NPC1L1: variants seen among roughly 807,000 people sequenced by gnomAD.
NPC1L1 encodes NPC1-like intracellular cholesterol transporter 1.
Under a neutral mutation model 117.0 loss-of-function variants are expected in NPC1L1, and 98 were observed. That is an observed-to-expected ratio of 0.84 (90% CI 0.71 to 0.99). The LOEUF (loss-of-function observed/expected upper bound fraction) is 0.99. Among genes scored for constraint, NPC1L1 ranks in the 50% least tolerant of loss-of-function variants. The probability of loss-of-function intolerance (pLI) is 0.00; values close to 1 mark genes in which losing one functional copy is unlikely to be tolerated. For synonymous variants in NPC1L1, 729 were observed against 727.6 expected (o/e 1.00, Z -0.03); for missense variants, 1,540 against 1,710.0 (o/e 0.90, Z 1.75).
chr7:44,533,888 C>T (rs781722056), intron 6 of NPC1L1, 35 bp from the exon 7 acceptor site: 30 of 1,555,866 alleles, frequency 1.9e-5, no homozygotes, highest in Non-Finnish European at 2.5e-5. Context: ...AGCCAGGGCC[C>T]TCCAAGGGCA....
In NPC1L1 at chr7:44,539,879, C is replaced by A; in HGVS notation, c.518G>T (p.Ser173Ile). ...GGCAGCTGCAGGGACGCGCACACGG[C>A]TGCAGGAGTCATAGCTCTGCTCGGC... ...SFAEQSYDSC[S>I]RVRVPAAATL... Residue 173 changes from serine (S) to isoleucine (I), a missense_variant, in exon 2 of 19, where the codon AGC becomes ATC. Physicochemically the swap from Ser to Ile is moderately radical, Grantham distance 142 (BLOSUM62 -2). Around this residue, in one of 3 missense-constraint regions of NPC1L1, gnomAD observed 793 missense variants for 820.4 expected, o/e 0.97. Transcript: ENST00000381160. The surrounding 1 kb of genome is among the most constrained non-coding windows in gnomAD (Gnocchi z 4.4). 1 of 1,614,074 alleles carries A rather than the reference C, an allele frequency of 6.2e-7. No homozygotes were observed. Among genetic ancestry groups the A allele is most frequent in the South Asian group, 1.1e-5 (1 of 91,090 alleles).
At position 44,520,983 on chromosome 7, in the gene NPC1L1, C is replaced by T. The variant is rs147519851; in HGVS notation, c.3080+9G>A. On this transcript the variant is annotated intron_variant, in intron 13 of 18. Coordinates refer to ENST00000381160, the MANE Select transcript of NPC1L1 (RefSeq NM_001101648.2). Reference sequence around the variant, plus strand: ...TGTCCTCCCCAGCAGAAGGCCCTCCCAAGCTTACCCTTTGGGACATTTGAT... The same window carrying T: ...TGTCCTCCCCAGCAGAAGGCCCTCCTAAGCTTACCCTTTGGGACATTTGAT... 1.2e-3 allele frequency: 1,901 copies of T among 1,614,168 alleles called. 19 individuals carry two copies. The African/African-American group carries it at 0.022, about 19-fold the overall frequency.
In NPC1L1 at chr7:44,522,167, TG is replaced by T; in HGVS notation, c.2712del (p.Thr905ProfsTer12). ...FEVGAPVYFV[T>X]TLGYNFSSEA... ...TCGCTGGAGAAGTTGTAGCCCAAGG[TG>T]GTAACAAAGTACACCGGGGCCCCCA... On this transcript the variant is annotated frameshift_variant, in exon 11 of 19. Coordinates refer to ENST00000381160, the MANE Select transcript of NPC1L1 (RefSeq NM_001101648.2). LOFTEE classifies it high-confidence loss of function. 1 of 1,613,728 alleles carries T rather than the reference TG, an allele frequency of 6.2e-7. No individual in the cohort carries two copies. The highest frequency in any genetic ancestry group is 1.1e-5 in the South Asian group (1 of 91,068).
rs746780129 is a variant in NPC1L1 at position 44,516,085 on chromosome 7, G to T, written c.3632C>A (p.Ala1211Glu). 5.0e-6 allele frequency: 8 copies of T among 1,610,312 alleles called. No homozygotes were observed. The highest frequency in any genetic ancestry group is 2.2e-5 in the East Asian group (1 of 44,800). The change falls in exon 17 of 19, where the codon GCG becomes GAG. Residue 1211 changes from alanine to glutamate, a missense_variant and splice_region_variant. Coordinates refer to ENST00000381160, the MANE Select transcript of NPC1L1 (RefSeq NM_001101648.2). Reference protein sequence around the residue: ...AKEATISMGSAVFAGVAMTNL... With the variant: ...AKEATISMGSEVFAGVAMTNL... ...GGTGGCCCACTCCTCTCCACTCACC[G>T]CACTTCCCATAGAGATGGTGGCCTC...
intron 14 of NPC1L1, chr7:44,518,808 G>T: frequency 1.1e-6 from 1 of 922,678 alleles, no homozygotes; most frequent in Non-Finnish European, 1.3e-6. Flanking sequence ...CAGGGGAGGT[G>T]CCTGGAGAAC....
chr7:44,523,335 C>A (rs1801416954), intron 10 of NPC1L1, among the ~76,000 whole-genome samples: 1 of 152,182 alleles, frequency 6.6e-6, no homozygotes, highest in Non-Finnish European at 1.5e-5. Context: ...GGATTACAGG[C>A]ATGAGCCACC....
At chr7:44,529,457 C>A (rs1427392786) in intron 10 of NPC1L1, among the ~76,000 whole-genome samples, 1 of 151,524 alleles carries the variant, frequency 6.6e-6, no homozygotes, top group African/African-American at 2.4e-5. Context: ...CAGTTTACCA[C>A]AACCTCTGCC....
At position 44,513,406 on chromosome 7, in the gene NPC1L1, T is replaced by C; in HGVS notation, c.*41A>G. On this transcript the variant is annotated 3_prime_UTR_variant, in exon 19 of 19. Coordinates refer to ENST00000381160, the MANE Select transcript of NPC1L1 (RefSeq NM_001101648.2). ...CACAAGGAAGATCCCCATAACCCTT[T>C]GGTTCAGGGCCATAGAGCCTAGACA... The C allele has an allele frequency of 6.3e-7, 1 of 1,582,166 alleles. No individual in the cohort carries two copies. Among genetic ancestry groups the C allele is most frequent in the Non-Finnish European group, 8.7e-7 (1 of 1,151,230 alleles).
chr7:44,541,132 G>T, intron 1 of NPC1L1, 74 bp downstream of exon 1: 4 of 1,486,618 alleles, frequency 2.7e-6, no homozygotes, highest in Non-Finnish European at 9.2e-7. Context: ...AGTAACGCTC[G>T]CCTGGTACAC....
chr7:44,521,908 C>T, intron 11 of NPC1L1, 72 bp from the exon 12 acceptor site: 2 of 1,608,072 alleles, frequency 1.2e-6, no homozygotes, highest in Non-Finnish European at 1.7e-6. Flanking sequence ...GTGGCCCAAC[C>T]CCCACGCAGC....
intron 10 of NPC1L1, among the ~76,000 whole-genome samples, chr7:44,525,014 G>A (rs1373992857): frequency 6.6e-6 from 1 of 151,766 alleles, no homozygotes; most frequent in Non-Finnish European, 1.5e-5. Flanking sequence ...CTGAAGAAGA[G>A]AAAGGAAAAA....
chr7:44,531,292 C>T (rs1801691882), intron 10 of NPC1L1, among the ~76,000 whole-genome samples: 1 of 152,234 alleles, frequency 6.6e-6, no homozygotes, highest in African/African-American at 2.4e-5. Flanking sequence ...GCCCAGGAAA[C>T]ACACCTGGGC....
intron 10 of NPC1L1, among the ~76,000 whole-genome samples, chr7:44,528,793 G>C (rs138900689): frequency 1.3e-5 from 2 of 152,136 alleles, no homozygotes; most frequent in Non-Finnish European, 2.9e-5. Flanking sequence ...GTAGGACCAG[G>C]CATGGTGGCT....
rs1242344461 is a variant in NPC1L1, at chr7:44,531,890, C to A, written c.2548-46G>T. The A allele has an allele frequency of 4.6e-6, 7 of 1,537,118 alleles. No individual in the cohort carries two copies. The Admixed American group carries it at 1.4e-4, about 30-fold the overall frequency. ...TGAGACCACCCTGCCCAACAGCCGT[C>A]CCCCATCTCCCCACAAATTTAAGTC... On this transcript the variant is annotated intron_variant, in intron 9 of 18. Transcript: ENST00000381160.
intron 2 of NPC1L1, 95 bp from the exon 3 acceptor site, chr7:44,537,037 C>CT: frequency 1.0e-6 from 1 of 969,038 alleles, no homozygotes. Context: ...ACCCACAGCA[C>CT]TATGGAGGGT....
At chr7:44,521,263 T>C in intron 12 of NPC1L1, 145 bp from the exon 13 acceptor site, 7 of 1,145,418 alleles carry the variant, frequency 6.1e-6, no homozygotes, top group Non-Finnish European at 8.9e-6. Flanking sequence ...CATTTGTCAT[T>C]TGTGGGAGAA....
chr7:44,539,497 G>C lies in NPC1L1; in HGVS notation c.900C>G (p.Ile300Met). 8.1e-6 allele frequency: 13 copies of C among 1,613,678 alleles called. No individual in the cohort carries two copies. The highest frequency in any genetic ancestry group is 1.1e-5 in the Non-Finnish European group (13 of 1,179,682). Residue 300 changes from isoleucine (I) to methionine (M), a missense_variant, in exon 2 of 19, where the codon ATC (isoleucine) becomes ATG (methionine). Ile to Met is a conservative substitution (Grantham distance 10). Coordinates refer to ENST00000381160, the MANE Select transcript of NPC1L1 (RefSeq NM_001101648.2). This position sits in a 1 kb window ranked among gnomAD's most constrained non-coding sequence, Gnocchi z 4.4. ...GGGCCACACGGAATCCCACAAGCAG[G>C]ATGGTGACCACAGCGAAGACAGAGC... Reference protein sequence around the residue: ...ILCSVFAVVTILLVGFRVAPA... With the variant: ...ILCSVFAVVTMLLVGFRVAPA...
chr7:44,515,877 C>T lies in NPC1L1; in HGVS notation c.3722G>A (p.Arg1241His), dbSNP rs768530959. The change falls in exon 18 of 19, where the codon CGC becomes CAC. Residue 1241 changes from arginine (R) to histidine (H), a missense_variant. By Grantham distance (29) the Arg-to-His change is conservative. This residue lies in a region of NPC1L1 where 742 missense variants were observed against 873.6 expected (regional missense o/e 0.85). Transcript: ENST00000381160. ...KAQLIQIFFFRLNLLITLLGL... is the reference protein window; with the variant it reads ...KAQLIQIFFFHLNLLITLLGL... ...CAGCAGAGTGATCAGGAGGTTGAGG[C>T]GGAAGAAGAAGATCTGAATGAGCTG... The T allele has an allele frequency of 6.3e-5, 102 of 1,613,966 alleles. No individual in the cohort carries two copies. The highest frequency in any genetic ancestry group is 3.5e-4 in the Admixed American group (21 of 59,992).
chr7:44,520,728 G>T, intron 14 of NPC1L1, 37 bp downstream of exon 14: 1 of 1,599,756 alleles, frequency 6.3e-7, no homozygotes, highest in Non-Finnish European at 8.6e-7. Flanking sequence ...CAGAGCAACC[G>T]ATTTATGTCC....
Sources: allele counts gnomAD v4.1 joint callset (sites outside exome capture counted in the v4.1 genomes callset), GRCh38; gene constraint gnomAD v4.1.1; regional missense constraint gnomAD v4.1.1; non-coding constraint Gnocchi (gnomAD v3.1); transcripts MANE v1.5; gene names NCBI Gene and HGNC (gene_info 2026-07-23, HGNC 2026-07-21).